The following SLC16A4 variants were observed in gnomAD, a reference collection of about 807,000 sequenced individuals.
SLC16A4 encodes solute carrier family 16 member 4.
Under a neutral mutation model 47.9 loss-of-function variants are expected in SLC16A4, and 39 were observed. The ratio of observed to expected loss-of-function variants is 0.81; its 90% CI spans 0.63 to 1.06. The LOEUF (loss-of-function observed/expected upper bound fraction) is 1.06, where lower values mean the gene tolerates loss of function less well. Ranked by LOEUF, SLC16A4 falls within the 50% of genes least tolerant of loss-of-function variation. The pLI, the probability that SLC16A4 is intolerant of heterozygous loss-of-function variation, is 0.00. For synonymous variants in SLC16A4, 189 were observed against 199.9 expected (o/e 0.95, Z 0.46); for missense variants, 524 against 573.8 (o/e 0.91, Z 0.89).
intron 8 of SLC16A4, among the ~76,000 whole-genome samples, chr1:110,367,166 T>C (rs957387989): frequency 1.3e-5 from 2 of 152,368 alleles, no homozygotes; most frequent in East Asian, 3.9e-4. Context: ...CTACTTTATT[T>C]GATTGGAATA....
intron 2 of SLC16A4, among the ~76,000 whole-genome samples, chr1:110,387,209 G>A (rs1471743646): frequency 6.6e-6 from 1 of 152,102 alleles, no homozygotes; most frequent in African/African-American, 2.4e-5. Flanking sequence ...CTGGGCTTAC[G>A]GTAATGAGCA....
At chr1:110,388,108 G>T (rs4454547) in intron 2 of SLC16A4, among the ~76,000 whole-genome samples, 18,251 of 152,016 alleles carry the variant, frequency 0.12, 1,560 homozygotes, top group African/African-American at 0.22. Context: ...CAAGAAAAGG[G>T]TGTTTTTTTT....
At chr1:110,378,293 C>T (rs1176797060) in intron 6 of SLC16A4, among the ~76,000 whole-genome samples, 1 of 152,166 alleles carries the variant, frequency 6.6e-6, no homozygotes, top group Non-Finnish European at 1.5e-5. Flanking sequence ...ACAGGCCAGG[C>T]ACTATTCTAA....
At chr1:110,367,691 G>A (rs1334045793) in intron 8 of SLC16A4, among the ~76,000 whole-genome samples, 2 of 151,950 alleles carry the variant, frequency 1.3e-5, no homozygotes, top group South Asian at 2.1e-4. Context: ...GGGAGAGCCT[G>A]TCTCAAAAAT....
At chr1:110,385,505 C>T (rs1047249702) in intron 2 of SLC16A4, among the ~76,000 whole-genome samples, 1 of 152,208 alleles carries the variant, frequency 6.6e-6, no homozygotes, top group Non-Finnish European at 1.5e-5. Flanking sequence ...CAAACATAAA[C>T]TCACATTTCC....
intron 3 of SLC16A4, among the ~76,000 whole-genome samples, chr1:110,382,420 C>T (rs997740312): frequency 2.0e-5 from 3 of 151,874 alleles, no homozygotes; most frequent in Non-Finnish European, 4.4e-5. Context: ...GATAGCACCA[C>T]TGCACTCCAA....
Position 110,381,119 on chromosome 1 carries a change from T to A in SLC16A4, c.389A>T (p.Gln130Leu). 6.2e-7 allele frequency: 1 copy of A among 1,614,116 alleles called. No homozygotes were observed. The highest frequency in any genetic ancestry group is 8.5e-7 in the Non-Finnish European group (1 of 1,180,000). Residue 130 changes from glutamine to leucine, a missense_variant, in exon 5 of 9, where the codon CAA becomes CTA. Coordinates refer to ENST00000369779, the MANE Select transcript of SLC16A4 (RefSeq NM_004696.3). ...LPGLGSAFLYQVAAVVTTKYF... is the reference protein window; with the variant it reads ...LPGLGSAFLYLVAAVVTTKYF... ...TTTGGTAGTTACCACAGCAGCCACT[T>A]GGTATAAGAAAGCAGAACCCAAACC...
At chr1:110,388,083 G>A (rs1383752547) in intron 2 of SLC16A4, among the ~76,000 whole-genome samples, 2 of 152,122 alleles carry the variant, frequency 1.3e-5, no homozygotes, top group African/African-American at 2.4e-5. Context: ...GGGCTGAGTA[G>A]GGGGGAAGTG....
intron 8 of SLC16A4, among the ~76,000 whole-genome samples, chr1:110,373,929 G>A (rs934400429): frequency 1.3e-5 from 2 of 150,582 alleles, no homozygotes; most frequent in African/African-American, 4.9e-5. Context: ...CTCCCACCTT[G>A]GCCTCCCTAA....
rs565255726 is a variant in SLC16A4, at chr1:110,381,010, T to C, written c.498A>G (p.Lys166=). The C allele has an allele frequency of 1.2e-6, 2 of 1,614,126 alleles. No individual in the cohort carries two copies. The highest frequency in any genetic ancestry group is 1.7e-5 in the Admixed American group (1 of 60,024). Residue 166 remains lysine, a synonymous_variant, in exon 5 of 9, where the codon AAA becomes AAG. Coordinates refer to ENST00000369779, the MANE Select transcript of SLC16A4 (RefSeq NM_004696.3). ...GLTFLLAPFT[K]FLIDLYDWTG... is the part of the protein sequence containing the mutation. ...TCCAGTCATACAGATCTATCAGGAATTTTGTAAAGGGTGCCAAAAGAAAAG... is the reference window on the plus strand; with the variant it reads ...TCCAGTCATACAGATCTATCAGGAACTTTGTAAAGGGTGCCAAAAGAAAAG...
At chr1:110,380,834 G>GT in intron 5 of SLC16A4, 148 bp downstream of exon 5, 1 of 703,438 alleles carries the variant, frequency 1.4e-6, no homozygotes, top group Non-Finnish European at 2.4e-6. Flanking sequence ...AGAGAAGCAT[G>GT]TTTACTTTAG....
At chr1:110,390,415 G>A (rs933121645) in intron 1 of SLC16A4, among the ~76,000 whole-genome samples, 2 of 152,124 alleles carry the variant, frequency 1.3e-5, no homozygotes, top group African/African-American at 2.4e-5. Flanking sequence ...TGCGATACCC[G>A]CTTATTGAAT....
Position 110,377,153 on chromosome 1 carries a change from C to G in SLC16A4, c.1039G>C (p.Glu347Gln). The change falls in exon 7 of 9, where the codon GAG (glutamate) becomes CAG (glutamine). Residue 347 changes from glutamate to glutamine, a missense_variant. Physicochemically the swap from Glu to Gln is conservative, Grantham distance 29. Coordinates refer to ENST00000369779, the MANE Select transcript of SLC16A4 (RefSeq NM_004696.3). The stretch of plus-strand genomic sequence containing the variant: ...CCAGAAATAATCTGACTGACCGTCT[C>G]AAGGATACCTGGAACAATATTGAAA... Reference protein sequence around the residue: ...SYLVSVAGILETVSQIISGWV... With the variant: ...SYLVSVAGILQTVSQIISGWV... The G allele has an allele frequency of 6.2e-7, 1 of 1,613,370 alleles. No individual in the cohort carries two copies. The highest frequency in any genetic ancestry group is 8.5e-7 in the Non-Finnish European group (1 of 1,179,438).
At chr1:110,387,345 C>A (rs1477155240) in intron 2 of SLC16A4, among the ~76,000 whole-genome samples, 1 of 152,126 alleles carries the variant, frequency 6.6e-6, no homozygotes, top group Non-Finnish European at 1.5e-5. Flanking sequence ...GAATGAATCT[C>A]TCTCTCTTTT....
At position 110,379,208 on chromosome 1, in the gene SLC16A4, TG is replaced by T. The variant is rs1213428341; in HGVS notation, c.674del (p.Thr225LysfsTer28). The T allele has an allele frequency of 1.2e-6, 2 of 1,614,118 alleles. No individual in the cohort carries two copies. The highest frequency in any genetic ancestry group is 1.7e-6 in the Non-Finnish European group (2 of 1,180,048). On this transcript the variant is annotated frameshift_variant, in exon 6 of 9. Coordinates refer to ENST00000369779, the MANE Select transcript of SLC16A4 (RefSeq NM_004696.3). LOFTEE classifies it high-confidence loss of function. ...LSAHGPEAHA[T>X]ETHCHETEES... ...CTTCTGTCTCATGGCAGTGTGTTTC[TG>T]TTGCATGTGCCTCTGGACCATGTGC...
In SLC16A4 at chr1:110,377,113, T is replaced by C. The variant is rs1206657621; in HGVS notation, c.1079A>G (p.Gln360Arg). The change falls in exon 7 of 9, where the codon CAA becomes CGA. Residue 360 changes from glutamine (Q) to arginine (R), a missense_variant. By Grantham distance (43) the Gln-to-Arg change is conservative. Transcript: ENST00000369779. ...GTAATGATACTTCTTAATCCAGTTT[T>C]GATCAGCAACCCATCCAGAAATAAT... is the stretch of plus-strand genomic sequence containing the variant. ...SQIISGWVAD[Q>R]NWIKKYHYHK... 1.2e-5 allele frequency: 19 copies of C among 1,614,192 alleles called. No homozygotes were observed. The highest frequency in any genetic ancestry group is 1.5e-5 in the Non-Finnish European group (18 of 1,180,030).
chr1:110,370,500 A>G (rs139636103), intron 8 of SLC16A4: 73 of 152,338 alleles, frequency 4.8e-4, no homozygotes, highest in African/African-American at 1.7e-3. Flanking sequence ...GAAATGACCT[A>G]TCATTTCATG....
chr1:110,389,653 G>A (rs562782130), intron 1 of SLC16A4, among the ~76,000 whole-genome samples: 7 of 152,142 alleles, frequency 4.6e-5, no homozygotes, highest in Non-Finnish European at 1.0e-4. Flanking sequence ...ATCAACCTAC[G>A]TGCTCATCAA....
Position 110,379,330 on chromosome 1 carries a change from C to T in SLC16A4, c.553G>A (p.Ala185Thr), listed in dbSNP as rs35157487. The change falls in exon 6 of 9, where the codon GCA (alanine) becomes ACA (threonine). Residue 185 changes from alanine to threonine, a missense_variant. Coordinates refer to ENST00000369779, the MANE Select transcript of SLC16A4 (RefSeq NM_004696.3). ...ATACTAGAAGGCACCAAATTCAATG[C>T]GATAGCTCCAAATAATATAAGGGCT... ...TGALILFGAI[A>T]LNLVPSSMLL... 2.8e-3 allele frequency: 4,456 copies of T among 1,602,770 alleles called. 89 individuals carry two copies. In the African/African-American group the frequency reaches 0.05, roughly 18 times the overall value.
Sources: gnomAD v4.1 joint callset for allele counts (sites outside exome capture counted in the v4.1 genomes callset) on GRCh38, gnomAD v4.1.1 for gene constraint, MANE v1.5 for transcripts, NCBI Gene and HGNC (gene_info 2026-07-23, HGNC 2026-07-21) for gene names.